Variants in ERO1B observed in about 807,000 individuals in gnomAD.
ERO1B encodes the protein ERO1-like protein beta.
ERO1B carries 49 observed loss-of-function variants against 75.3 expected under a neutral mutation model. The observed-to-expected ratio is 0.65, with a 90% CI of 0.52 to 0.83. The LOEUF (loss-of-function observed/expected upper bound fraction) is 0.83, where lower values mean the gene tolerates loss of function less well. Among genes scored for constraint, ERO1B ranks in the 40% least tolerant of loss-of-function variants. The probability of loss-of-function intolerance (pLI) is 0.00; values close to 1 mark genes in which losing one functional copy is unlikely to be tolerated. For synonymous variants in ERO1B, 191 were observed against 192.9 expected (o/e 0.99, Z 0.08); for missense variants, 512 against 560.1 (o/e 0.91, Z 0.87).
Position 236,252,084 on chromosome 1 carries a change from A to G in ERO1B, c.314T>C (p.Ile105Thr). The G allele has an allele frequency of 6.3e-7, 1 of 1,599,384 alleles. No individual in the cohort carries two copies. Among genetic ancestry groups the G allele is most frequent in the Non-Finnish European group, 8.5e-7 (1 of 1,170,750 alleles). ...CHVEPCPESK[I>T]PVGIKAGHSN... The stretch of plus-strand genomic sequence containing the variant: ...ATGCCCAGCTTTTATTCCAACCGGA[A>G]TTTTACTCTTAAAAAAACAAGAAAA... The change falls in exon 4 of 16, where the codon ATT (isoleucine) becomes ACT (threonine). Residue 105 changes from isoleucine to threonine, a missense_variant. Coordinates refer to ENST00000354619, the MANE Select transcript of ERO1B (RefSeq NM_019891.4).
chr1:236,281,482 C>G (rs993209619), intron 1 of ERO1B, 200 bp downstream of exon 1: 1 of 395,570 alleles, frequency 2.5e-6, no homozygotes, highest in African/African-American at 2.1e-5. Context: ...GTGTCGCCGT[C>G]CCCCCACCCT....
intron 6 of ERO1B, among the ~76,000 whole-genome samples, chr1:236,239,789 G>GTATATA (rs67985500): frequency 0.014 from 1,402 of 97,550 alleles, 43 homozygotes; most frequent in African/African-American, 0.038. Flanking sequence ...TCCTCTTCAA[G>GTATATA]TATATATATA....
In ERO1B at chr1:236,221,993, A is replaced by G; in HGVS notation, c.1140T>C (p.His380=). The change falls in exon 14 of 16, where the codon CAT becomes CAC. Residue 380 remains histidine (H), a synonymous_variant. Transcript: ENST00000354619. ...CCATTATACGGGAGATATTCTTGAA[A>G]TGTAATCGGAATTCCTCCTAGCAAG... ...AKSLKEEFRL[H]FKNISRIMDC... The G allele has an allele frequency of 6.2e-7, 1 of 1,613,536 alleles. No homozygotes were observed. Among genetic ancestry groups the G allele is most frequent in the Non-Finnish European group, 8.5e-7 (1 of 1,179,616 alleles).
chr1:236,268,624 C>G (rs10802465), intron 2 of ERO1B, among the ~76,000 whole-genome samples: 46 of 152,050 alleles, frequency 3.0e-4, no homozygotes, highest in African/African-American at 9.2e-4. Flanking sequence ...CGGTGGCTCA[C>G]GCCTGTAATC....
chr1:236,235,820 A>G lies in ERO1B; in HGVS notation c.642T>C (p.Tyr214=), dbSNP rs1664526881. ...TAGGCGCCAGAGGATTTAAAGGACG[A>G]TAAACAGATCGAGGCCTGAAAAAGA... The part of the protein sequence containing the change: ...EENCFKPRSV[Y]RPLNPLAPSR... Residue 214 remains tyrosine (Y), a synonymous_variant, in exon 8 of 16, where the codon TAT becomes TAC. Coordinates refer to ENST00000354619, the MANE Select transcript of ERO1B (RefSeq NM_019891.4). 6.2e-7 allele frequency: 1 copy of G among 1,613,170 alleles called. No homozygotes were observed. The highest frequency in any genetic ancestry group is 8.5e-7 in the Non-Finnish European group (1 of 1,179,692).
In ERO1B at chr1:236,220,899, T is replaced by A; in HGVS notation, c.1276A>T (p.Asn426Tyr). ...AGTTGGAAGCCTTTAGATGGACTAT[T>A]CTCTGGAAGCTTTTGGATTTCTTTT... is the stretch of plus-strand genomic sequence containing the variant. ...SEKEIQKLPENSPSKGFQLTR... is the reference protein window; with the variant it reads ...SEKEIQKLPEYSPSKGFQLTR... The change falls in exon 15 of 16, where the codon AAT becomes TAT. Residue 426 changes from asparagine to tyrosine, a missense_variant. Physicochemically the swap from Asn to Tyr is moderately radical, Grantham distance 143. Transcript: ENST00000354619. 3 of 1,604,548 alleles carry A rather than the reference T, an allele frequency of 1.9e-6. No homozygotes were observed. The South Asian group carries it at 3.4e-5, about 18-fold the overall frequency.
chr1:236,281,598 C>G, intron 1 of ERO1B, 84 bp downstream of exon 1: 1 of 1,039,262 alleles, frequency 9.6e-7, no homozygotes, highest in Non-Finnish European at 1.3e-6. Flanking sequence ...CTGCCCGGCC[C>G]TCCCCGCGTC....
intron 8 of ERO1B, among the ~76,000 whole-genome samples, chr1:236,233,078 G>A (rs1664453517): frequency 6.6e-6 from 1 of 151,662 alleles, no homozygotes; most frequent in African/African-American, 2.4e-5. Context: ...GGGAGGCCAA[G>A]GTGGGTGGAT....
intron 12 of ERO1B, 131 bp downstream of exon 12, chr1:236,226,138 T>C: frequency 1.2e-6 from 1 of 853,334 alleles, no homozygotes; most frequent in Admixed American, 2.6e-5. Flanking sequence ...TGTTGTTCTA[T>C]TGATCACTTT....
chr1:236,237,833 A>G (rs149837766), intron 6 of ERO1B, among the ~76,000 whole-genome samples: 1 of 152,254 alleles, frequency 6.6e-6, no homozygotes, highest in East Asian at 1.9e-4. Flanking sequence ...CATGCCTTCC[A>G]AGAATTACCT....
chr1:236,273,987 T>C (rs1665657869), intron 1 of ERO1B, among the ~76,000 whole-genome samples: 1 of 146,346 alleles, frequency 6.8e-6, no homozygotes, highest in South Asian at 2.2e-4. Context: ...CCTATTTTTT[T>C]TTTTTTTTTT....
chr1:236,268,727 A>T (rs548867421), intron 2 of ERO1B, among the ~76,000 whole-genome samples: 4 of 151,996 alleles, frequency 2.6e-5, no homozygotes, highest in East Asian at 3.9e-4. Context: ...TCTACTAAAA[A>T]TACAAAATAT....
intron 1 of ERO1B, among the ~76,000 whole-genome samples, chr1:236,272,919 A>G (rs958956130): frequency 2.0e-5 from 3 of 152,092 alleles, no homozygotes; most frequent in African/African-American, 7.2e-5. Context: ...CACCTCATTC[A>G]TTTTCCCTGT....
intron 2 of ERO1B, among the ~76,000 whole-genome samples, chr1:236,259,088 C>T: frequency 6.6e-6 from 1 of 151,956 alleles, no homozygotes; most frequent in East Asian, 1.9e-4. Flanking sequence ...TAAGACATGT[C>T]CTTAAAAACA....
Position 236,281,831 on chromosome 1 carries a change from G to T in ERO1B, c.-48C>A, listed in dbSNP as rs1033262752. 11 of 1,318,052 alleles carry T rather than the reference G, an allele frequency of 8.3e-6. No individual in the cohort carries two copies. Among genetic ancestry groups the T allele is most frequent in the Non-Finnish European group, 1.1e-5 (11 of 1,015,464 alleles). The allele number at this position is 1,318,052 out of a possible 1,614,324, so 81.6% of individuals were successfully genotyped here. ...GCCAGCCGGACCCCTCGGGGCCGGG[G>T]AACGACGGGCGGCCCAGGCGACGAC... On this transcript the variant is annotated 5_prime_UTR_variant, in exon 1 of 16. Coordinates refer to ENST00000354619, the MANE Select transcript of ERO1B (RefSeq NM_019891.4).
At chr1:236,274,786 T>C (rs753721320) in intron 1 of ERO1B, among the ~76,000 whole-genome samples, 5 of 151,718 alleles carry the variant, frequency 3.3e-5, no homozygotes, top group African/African-American at 7.3e-5. Context: ...TCAAGGAGTT[T>C]ACATTCTCAT....
chr1:236,238,420 C>T (rs1170336870), intron 6 of ERO1B, among the ~76,000 whole-genome samples: 1 of 151,740 alleles, frequency 6.6e-6, no homozygotes, highest in Non-Finnish European at 1.5e-5. Context: ...TGCCTCTAGT[C>T]CCAGTTGCTT....
At chr1:236,236,448 A>G in intron 6 of ERO1B, 50 bp from the exon 7 acceptor site, 2 of 1,601,314 alleles carry the variant, frequency 1.2e-6, no homozygotes, top group Non-Finnish European at 1.7e-6. Context: ...CCATTTATCT[A>G]AGATTTAACA....
chr1:236,270,919 G>T (rs866013550), intron 1 of ERO1B, among the ~76,000 whole-genome samples: 2 of 152,186 alleles, frequency 1.3e-5, no homozygotes, highest in South Asian at 2.1e-4. Context: ...AAGGGCAACA[G>T]AAGCAATATT....
Sources: allele counts gnomAD v4.1 joint callset (sites outside exome capture counted in the v4.1 genomes callset), GRCh38; gene constraint gnomAD v4.1.1; transcripts MANE v1.5; gene names NCBI Gene and HGNC (gene_info 2026-07-23, HGNC 2026-07-21).